The following DACH1 variants were observed in gnomAD, a reference collection of about 807,000 sequenced individuals.
The protein encoded by DACH1 is dachshund family transcription factor 1, also known as dachshund homolog 1.
In DACH1, 12 loss-of-function variants were observed where a neutral mutation model predicts 54.2. That is an observed-to-expected ratio of 0.22 (90% confidence interval 0.14 to 0.36). The LOEUF (loss-of-function observed/expected upper bound fraction) is 0.36, where lower values mean the gene tolerates loss of function less well. Ranked by LOEUF, DACH1 falls within the 10% of genes least tolerant of loss-of-function variation. The pLI is 1.00. For missense variants in DACH1, 805 were observed against 929.8 expected (o/e 0.87, Z 1.75); for synonymous variants, 386 against 366.2 (o/e 1.05, Z -0.62).
intron 6 of DACH1, among the ~76,000 whole-genome samples, chr13:71,555,387 G>A (rs1039264222): frequency 1.3e-5 from 2 of 150,458 alleles, no homozygotes; most frequent in Admixed American, 6.6e-5. Context: ...TCTGTCACCC[G>A]GGCTGCAGTG....
chr13:71,486,343 AATT>A (rs1413938861), intron 7 of DACH1, among the ~76,000 whole-genome samples: 4 of 152,146 alleles, frequency 2.6e-5, no homozygotes, highest in Non-Finnish European at 5.9e-5. Context: ...TATTATATAT[AATT>A]GAAACTGCAG....
chr13:71,689,384 T>C (rs1881360916), intron 1 of DACH1, among the ~76,000 whole-genome samples: 1 of 152,130 alleles, frequency 6.6e-6, no homozygotes, highest in Non-Finnish European at 1.5e-5. Flanking sequence ...TAAGAAATAA[T>C]TGGGTCAAAG....
At chr13:71,730,543 A>G (rs1168377841) in intron 1 of DACH1, among the ~76,000 whole-genome samples, 1 of 152,164 alleles carries the variant, frequency 6.6e-6, no homozygotes, top group Admixed American at 6.5e-5. Context: ...AATGTTGTCT[A>G]ATTTTAATTT....
At chr13:71,469,575 C>T (rs1833622706) in intron 10 of DACH1, among the ~76,000 whole-genome samples, 1 of 152,156 alleles carries the variant, frequency 6.6e-6, no homozygotes, top group African/African-American at 2.4e-5. Flanking sequence ...CCAATAAACT[C>T]TTAGTGTGAC....
In DACH1 at chr13:71,866,422, G is replaced by GCCGCCA; in HGVS notation, c.347_348insTGGCGG (p.Gly120_Gly121dup). On this transcript the variant is annotated inframe_insertion, in exon 1 of 11. Transcript: ENST00000613252. ...CAGCGCTGATGCCGCCGCCGCCGCC[G>GCCGCCA]CCGCTGCCGTTGCTCGCGGCCGCCA... 1.4e-6 allele frequency: 2 copies of GCCGCCA among 1,419,408 alleles called. No homozygotes were observed. The highest frequency in any genetic ancestry group is 1.9e-6 in the Non-Finnish European group (2 of 1,080,550). 87.9% of individuals were successfully genotyped at this position (1,419,408 alleles called of 1,614,324 possible).
At chr13:71,536,182 T>C (rs993082199) in intron 6 of DACH1, among the ~76,000 whole-genome samples, 2 of 150,290 alleles carry the variant, frequency 1.3e-5, no homozygotes, top group Admixed American at 6.6e-5. Flanking sequence ...TTAAATCTAA[T>C]TTAAATAACT....
intron 1 of DACH1, among the ~76,000 whole-genome samples, chr13:71,778,912 T>C (rs1200570732): frequency 6.6e-6 from 1 of 151,944 alleles, no homozygotes; most frequent in Non-Finnish European, 1.5e-5. Flanking sequence ...CTTTATGTGA[T>C]ATTTTCATTG....
intron 1 of DACH1, among the ~76,000 whole-genome samples, chr13:71,724,977 C>G (rs371307589): frequency 8.6e-5 from 13 of 152,004 alleles, no homozygotes; most frequent in East Asian, 3.9e-4. Flanking sequence ...CTCTAACACT[C>G]CATTTGCAAG....
intron 1 of DACH1, among the ~76,000 whole-genome samples, chr13:71,752,291 GTTCTA>G (rs1249167770): frequency 9.2e-5 from 14 of 152,056 alleles, no homozygotes; most frequent in African/African-American, 3.1e-4. Context: ...TGCATATTTA[GTTCTA>G]TTCAACTGTT....
chr13:71,636,876 T>C (rs1056436496), intron 2 of DACH1, among the ~76,000 whole-genome samples: 50 of 152,214 alleles, frequency 3.3e-4, no homozygotes, highest in African/African-American at 1.2e-3. Flanking sequence ...TATTACTATC[T>C]GAATTATGAT....
rs117132343 is a variant in DACH1 at position 71,491,099 on chromosome 13, T to A, written c.1571-1951A>T. 2.2e-3 allele frequency among the ~76,000 whole-genome samples: 336 copies of A among 152,330 alleles called. 3 individuals carry two copies. Among genetic ancestry groups the A allele is most frequent in the Admixed American group, 5.8e-3 (89 of 15,290 alleles). ...TGATTTAACTTCAGTGCATTTATGCTTGACTACATTTGGCTGTTGTGTGGA... is the reference window on the plus strand; with the variant it reads ...TGATTTAACTTCAGTGCATTTATGCATGACTACATTTGGCTGTTGTGTGGA... On this transcript the variant is annotated intron_variant, in intron 6 of 10. Transcript: ENST00000613252.
At chr13:71,651,449 C>G (rs1878659067) in intron 2 of DACH1, among the ~76,000 whole-genome samples, 1 of 151,764 alleles carries the variant, frequency 6.6e-6, no homozygotes, top group Admixed American at 6.6e-5. Flanking sequence ...GGTTCTAACT[C>G]TGGGGGTTCA....
chr13:71,864,240 G>A (rs1035772258), intron 1 of DACH1, among the ~76,000 whole-genome samples: 9 of 147,442 alleles, frequency 6.1e-5, no homozygotes, highest in African/African-American at 2.0e-4. Flanking sequence ...ATAGTCGAAG[G>A]TTCAAAGCCC....
At chr13:71,811,827 A>G (rs1887726524) in intron 1 of DACH1, among the ~76,000 whole-genome samples, 1 of 152,196 alleles carries the variant, frequency 6.6e-6, no homozygotes, top group African/African-American at 2.4e-5. Context: ...AATATCTGTA[A>G]GAATATATTG....
chr13:71,684,747 C>T (rs934294112), intron 1 of DACH1, among the ~76,000 whole-genome samples: 2 of 152,078 alleles, frequency 1.3e-5, no homozygotes, highest in South Asian at 2.1e-4. Context: ...TAAAATGTAG[C>T]TCAGTGTCTG....
chr13:71,768,101 A>G lies in DACH1; in HGVS notation c.849-86191T>C, dbSNP rs186174869. On this transcript the variant is annotated intron_variant, in intron 1 of 10. Coordinates refer to ENST00000613252, the MANE Select transcript of DACH1 (RefSeq NM_080759.6). ...TGTTAAGTATATTCTCATTAAAATC[A>G]TTTAAAGAATATAAGCCCCATTATT... Among the ~76,000 whole-genome samples, 138 of 152,130 alleles carry G rather than the reference A, an allele frequency of 9.1e-4. 1 individual carries two copies. The highest frequency in any genetic ancestry group is 3.4e-3 in the Middle Eastern group (1 of 294).
At chr13:71,445,432 C>T (rs922742057) in intron 10 of DACH1, among the ~76,000 whole-genome samples, 35 of 152,158 alleles carry the variant, frequency 2.3e-4, no homozygotes, top group African/African-American at 8.0e-4. Flanking sequence ...AAATATGTCT[C>T]CTATTAAATT....
rs921474866 is a variant in DACH1 at position 71,459,206 on chromosome 13, T to C, written c.2083+15935A>G. Among the ~76,000 whole-genome samples the C allele has an allele frequency of 2.0e-5, 3 of 152,030 alleles. No individual in the cohort carries two copies. The South Asian group carries it at 6.2e-4, about 31-fold the overall frequency. On this transcript the variant is annotated intron_variant, in intron 10 of 10. Coordinates refer to ENST00000613252, the MANE Select transcript of DACH1 (RefSeq NM_080759.6). ...CTTGGTGTCTTTAAAATACTAAACA[T>C]GGACTTTGAAAATTCAAGAGGATAT...
At chr13:71,453,358 C>A (rs1177497830) in intron 10 of DACH1, among the ~76,000 whole-genome samples, 2 of 152,058 alleles carry the variant, frequency 1.3e-5, no homozygotes, top group African/African-American at 4.8e-5. Context: ...AAAATGATTT[C>A]TTGTTTGATC....
Sources: allele counts gnomAD v4.1 joint callset (sites outside exome capture counted in the v4.1 genomes callset), GRCh38; gene constraint gnomAD v4.1.1; transcripts MANE v1.5; gene names NCBI Gene and HGNC (gene_info 2026-07-23, HGNC 2026-07-21).